Variants in POLA1 observed in about 807,000 individuals in gnomAD.
POLA1 encodes DNA polymerase alpha catalytic subunit.
POLA1 carries 15 observed loss-of-function variants against 124.0 expected under a neutral mutation model. The observed-to-expected ratio is 0.12, with a 90% CI of 0.08 to 0.19. The LOEUF is 0.19. POLA1 is among the 10% of genes least tolerant of loss of function. The pLI is 1.00. For missense variants in POLA1, 886 were observed against 1,103.4 expected, an observed-to-expected ratio of 0.80 and a Z score of 2.79; for synonymous variants, 408 against 389.4, an observed-to-expected ratio of 1.05 and a Z score of -0.56.
chrX:24,727,033 A>G lies in POLA1; in HGVS notation c.1493A>G (p.Lys498Arg). 8.3e-7 allele frequency: 1 copy of G among 1,203,527 alleles called. No individual in the cohort carries two copies. Among genetic ancestry groups the G allele is most frequent in the Non-Finnish European group, 1.1e-6 (1 of 890,451 alleles). Residue 498 changes from lysine (K) to arginine (R), a missense_variant, in exon 14 of 37, where the codon AAG becomes AGG. This residue lies in a region of POLA1 where 337 missense variants were observed against 402.8 expected (regional missense o/e 0.84). Coordinates refer to ENST00000379068, the MANE Select transcript of POLA1 (RefSeq NM_001330360.2). ...CTGGAACTGTTCTTGATGAACAGAA[A>G]GATCAAAGGACCTTGTTGGCTTGAA... ...SSLELFLMNR[K>R]IKGPCWLEVK...
intron 26 of POLA1, among the ~76,000 whole-genome samples, chrX:24,808,071 GGA>G (rs1488681714): frequency 8.9e-6 from 1 of 112,253 alleles, no homozygotes; most frequent in Non-Finnish European, 1.9e-5. Flanking sequence ...AAAACATTCA[GGA>G]GATTGGTAAT....
intron 36 of POLA1, among the ~76,000 whole-genome samples, chrX:24,956,372 C>T (rs2048106812): frequency 9.3e-6 from 1 of 107,670 alleles, no homozygotes; most frequent in Non-Finnish European, 1.9e-5. Flanking sequence ...ATATAAAACC[C>T]AAAATTCCCT....
chrX:24,963,407 G>A (rs183362250), intron 36 of POLA1, among the ~76,000 whole-genome samples: 299 of 111,759 alleles, frequency 2.7e-3, no homozygotes, highest in Non-Finnish European at 4.7e-3. Context: ...TCCTCTTTCA[G>A]GGGTTACAGC....
intron 34 of POLA1, among the ~76,000 whole-genome samples, chrX:24,858,078 A>G (rs948274791): frequency 3.6e-5 from 4 of 112,361 alleles, no homozygotes; most frequent in African/African-American, 1.3e-4. Context: ...CTAAAACACA[A>G]AAATGAGTTC....
At chrX:24,831,014 T>A (rs1198321308) in intron 32 of POLA1, among the ~76,000 whole-genome samples, 1 of 111,802 alleles carries the variant, frequency 8.9e-6, no homozygotes, top group Non-Finnish European at 1.9e-5. Flanking sequence ...TAGAATTTAA[T>A]CTCTGAAAAT....
At chrX:24,765,506 G>A (rs775222433) in intron 26 of POLA1, among the ~76,000 whole-genome samples, 39 of 109,429 alleles carry the variant, frequency 3.6e-4, no homozygotes, top group Middle Eastern at 4.7e-3. Flanking sequence ...GTGGTTGGCC[G>A]TGCTGGTCTT....
chrX:24,886,290 G>A (rs1364102316), intron 34 of POLA1, among the ~76,000 whole-genome samples: 2 of 111,429 alleles, frequency 1.8e-5, no homozygotes, highest in African/African-American at 6.5e-5. Context: ...GTAATTCTGG[G>A]CATATATTAC....
Position 24,741,524 on chromosome X carries a change from G to A in POLA1, c.2346+20G>A. ...ATTATGGTAAATTTAACTTAGAAAG[G>A]GGGAAAAAGCATTTCCTGTTGGATT... On this transcript the variant is annotated intron_variant, in intron 21 of 36. Transcript: ENST00000379068. The A allele has an allele frequency of 8.4e-7, 1 of 1,187,384 alleles. No individual in the cohort carries two copies. The highest frequency in any genetic ancestry group is 1.1e-6 in the Non-Finnish European group (1 of 875,154).
chrX:24,919,364 A>G (rs1439066088), intron 35 of POLA1, among the ~76,000 whole-genome samples: 1 of 111,189 alleles, frequency 9.0e-6, no homozygotes, highest in Non-Finnish European at 1.9e-5. Flanking sequence ...CTTAGCACTA[A>G]TTTTATGCCA....
At chrX:24,783,068 A>G (rs959818416) in intron 26 of POLA1, among the ~76,000 whole-genome samples, 1 of 109,329 alleles carries the variant, frequency 9.1e-6, no homozygotes, top group Non-Finnish European at 1.9e-5. Context: ...TTCACATACT[A>G]GATTCTTATA....
chrX:24,743,186 A>T, intron 22 of POLA1, 44 bp from the exon 23 acceptor site: 1 of 654,243 alleles, frequency 1.5e-6, no homozygotes, highest in Non-Finnish European at 2.4e-6. Flanking sequence ...TAAATTAGTT[A>T]ATTAGTTGCT....
chrX:24,801,924 G>GTGTGTGTGTGT lies in POLA1; in HGVS notation c.2965-7974_2965-7973insTGTGTGTGTGT, dbSNP rs2045713434. Among the ~76,000 whole-genome samples, 479 of 74,534 alleles carry GTGTGTGTGTGT rather than the reference G, an allele frequency of 6.4e-3. 10 individuals carry two copies. Among genetic ancestry groups the GTGTGTGTGTGT allele is most frequent in the East Asian group, 0.016 (34 of 2,099 alleles). The allele number at this position is 74,534 out of a possible 115,157, so 64.7% of individuals were successfully genotyped here. On this transcript the variant is annotated intron_variant, in intron 26 of 36. Coordinates refer to ENST00000379068, the MANE Select transcript of POLA1 (RefSeq NM_001330360.2). Reference sequence around the variant, plus strand: ...ACAGAGCCACTAGGAGAGGTGGGTGGGTGTGTGTGTGTGTGTGTGTGTGTG... The same window carrying GTGTGTGTGTGT: ...ACAGAGCCACTAGGAGAGGTGGGTGGTGTGTGTGTGTGTGTGTGTGTGTGTGTGTGTGTGTG...
chrX:24,732,321 A>G, intron 15 of POLA1, 49 bp from the exon 16 acceptor site: 1 of 753,782 alleles, frequency 1.3e-6, no homozygotes, highest in Non-Finnish European at 2.1e-6. Context: ...AGAATGCAGA[A>G]TGTATAGTAG....
At chrX:24,719,120 A>C (rs1289108615) in intron 10 of POLA1, among the ~76,000 whole-genome samples, 1 of 111,345 alleles carries the variant, frequency 9.0e-6, no homozygotes, top group African/African-American at 3.3e-5. Flanking sequence ...TCTGTGGTAC[A>C]TGCAAATAGT....
At chrX:24,748,532 AGG>A in intron 25 of POLA1, 72 bp downstream of exon 25, 1 of 898,835 alleles carries the variant, frequency 1.1e-6, no homozygotes, top group Non-Finnish European at 1.6e-6. Flanking sequence ...ATGAGTAAAC[AGG>A]ATGCTGGGCA....
intron 35 of POLA1, among the ~76,000 whole-genome samples, chrX:24,898,740 A>C (rs2047237862): frequency 1.8e-5 from 2 of 112,379 alleles, no homozygotes; most frequent in Non-Finnish European, 3.8e-5. Context: ...TTTGGAATTT[A>C]CTGCAGCTGC....
At chrX:24,883,218 T>G (rs2047025384) in intron 34 of POLA1, among the ~76,000 whole-genome samples, 1 of 112,321 alleles carries the variant, frequency 8.9e-6, no homozygotes, top group Non-Finnish European at 1.9e-5. Flanking sequence ...GTTAAGTTGT[T>G]TAAGTTCCTT....
At chrX:24,796,408 G>A (rs2148476180) in intron 26 of POLA1, among the ~76,000 whole-genome samples, 1 of 111,222 alleles carries the variant, frequency 9.0e-6, no homozygotes, top group South Asian at 3.9e-4. Context: ...GACTATGGCA[G>A]CCTGCATCAG....
intron 35 of POLA1, among the ~76,000 whole-genome samples, chrX:24,903,626 G>A (rs952846587): frequency 1.3e-4 from 14 of 111,815 alleles, no homozygotes. Context: ...TTAGTAAAGA[G>A]ATAGGATAAA....
Sources: gnomAD v4.1 joint callset for allele counts (sites outside exome capture counted in the v4.1 genomes callset) on GRCh38, gnomAD v4.1.1 for gene constraint, gnomAD v4.1.1 regional missense constraint, MANE v1.5 for transcripts, NCBI Gene and HGNC (gene_info 2026-07-23, HGNC 2026-07-21) for gene names.